The following KLHL1 variants were observed in gnomAD, a reference collection of about 807,000 sequenced individuals.
KLHL1 encodes kelch like family member 1, also known as kelch-like protein 1.
A neutral mutation model predicts 77.7 loss-of-function variants in KLHL1; 47 were observed. The ratio of observed to expected loss-of-function variants is 0.60; its 90% CI spans 0.48 to 0.77. The LOEUF is 0.77. Ranked by LOEUF, KLHL1 falls within the 30% of genes least tolerant of loss-of-function variation. The pLI is 0.00. For missense variants in KLHL1, 925 were observed against 910.8 expected (o/e 1.02, Z -0.20); for synonymous variants, 360 against 325.2 (o/e 1.11, Z -1.15).
intron 7 of KLHL1, among the ~76,000 whole-genome samples, chr13:69,748,887 C>T (rs1011077153): frequency 2.0e-5 from 3 of 151,942 alleles, no homozygotes; most frequent in Non-Finnish European, 4.4e-5. Context: ...TTAAATTCCT[C>T]TCTCAAACAT....
intron 1 of KLHL1, among the ~76,000 whole-genome samples, chr13:69,988,839 T>C (rs942358823): frequency 5.9e-5 from 9 of 152,066 alleles, no homozygotes; most frequent in South Asian, 2.1e-4. Context: ...ATGTTCCTTA[T>C]AGATTGTGGA....
chr13:69,772,180 A>T (rs1875604659), intron 7 of KLHL1, among the ~76,000 whole-genome samples: 1 of 151,954 alleles, frequency 6.6e-6, no homozygotes, highest in Admixed American at 6.5e-5. Flanking sequence ...TTATTTTTTT[A>T]AAGTTGATAG....
chr13:69,911,104 T>C (rs1013136415), intron 4 of KLHL1, among the ~76,000 whole-genome samples: 1 of 152,086 alleles, frequency 6.6e-6, no homozygotes, highest in African/African-American at 2.4e-5. Context: ...TAGTAATCAG[T>C]CTGTCTTTCT....
chr13:69,868,977 T>A (rs1477499294), intron 5 of KLHL1, among the ~76,000 whole-genome samples: 2 of 152,084 alleles, frequency 1.3e-5, no homozygotes, highest in East Asian at 3.9e-4. Flanking sequence ...ACGTAGTAAT[T>A]CACTCACTTT....
At chr13:69,979,535 C>T (rs77676920) in intron 1 of KLHL1, among the ~76,000 whole-genome samples, 12,769 of 152,136 alleles carry the variant, frequency 0.084, 610 homozygotes, top group Middle Eastern at 0.11. Flanking sequence ...AGCAAATTTA[C>T]ATTATGTATT....
At chr13:69,715,989 G>A (rs1456156637) in intron 9 of KLHL1, among the ~76,000 whole-genome samples, 1 of 152,014 alleles carries the variant, frequency 6.6e-6, no homozygotes, top group Non-Finnish European at 1.5e-5. Flanking sequence ...AAAATATATG[G>A]AAATAATACT....
At chr13:69,751,683 T>C (rs1363926517) in intron 7 of KLHL1, among the ~76,000 whole-genome samples, 1 of 152,114 alleles carries the variant, frequency 6.6e-6, no homozygotes, top group East Asian at 1.9e-4. Flanking sequence ...GCCAATATGA[T>C]TTATTTTATC....
chr13:69,756,397 T>A (rs1415479291), intron 7 of KLHL1, among the ~76,000 whole-genome samples: 1 of 152,206 alleles, frequency 6.6e-6, no homozygotes, highest in African/African-American at 2.4e-5. Flanking sequence ...TTATTGATTC[T>A]TTAAATTCTT....
chr13:69,992,545 G>T (rs1885052826), intron 1 of KLHL1, among the ~76,000 whole-genome samples: 1 of 152,026 alleles, frequency 6.6e-6, no homozygotes, highest in Admixed American at 6.6e-5. Context: ...CTACTTTGTA[G>T]ATGAGGAGAC....
At chr13:69,765,317 A>C (rs1005791034) in intron 7 of KLHL1, among the ~76,000 whole-genome samples, 3 of 152,114 alleles carry the variant, frequency 2.0e-5, no homozygotes, top group Non-Finnish European at 4.4e-5. Flanking sequence ...CTTTATGAAT[A>C]ATATGAAACA....
chr13:70,033,984 C>T (rs2137370172), intron 1 of KLHL1, among the ~76,000 whole-genome samples: 1 of 152,198 alleles, frequency 6.6e-6, no homozygotes, highest in East Asian at 1.9e-4. Flanking sequence ...TCATCAGGCA[C>T]ATTCTCTACT....
chr13:69,989,446 G>C (rs1181057028), intron 1 of KLHL1, among the ~76,000 whole-genome samples: 1 of 151,856 alleles, frequency 6.6e-6, no homozygotes, highest in African/African-American at 2.4e-5. Context: ...GAGTATTCAG[G>C]CTCCTTGGTT....
chr13:69,740,359 TC>T (rs767130536), intron 8 of KLHL1, 34 bp downstream of exon 8: 4 of 1,442,430 alleles, frequency 2.8e-6, no homozygotes, highest in Non-Finnish European at 3.7e-6. Context: ...TAACTTTTTT[TC>T]TAAGATTAAA....
chr13:69,953,952 T>G (rs1488417563), intron 3 of KLHL1, among the ~76,000 whole-genome samples: 1 of 151,272 alleles, frequency 6.6e-6, no homozygotes, highest in Non-Finnish European at 1.5e-5. Flanking sequence ...TAGCTTAATT[T>G]TATAAGTTTG....
intron 1 of KLHL1, among the ~76,000 whole-genome samples, chr13:69,984,375 C>G (rs912014731): frequency 6.6e-6 from 1 of 152,140 alleles, no homozygotes. Context: ...TACCTAGAGG[C>G]CAGGCATGTT....
chr13:70,058,827 T>C (rs539746730), intron 1 of KLHL1, among the ~76,000 whole-genome samples: 1 of 152,276 alleles, frequency 6.6e-6, no homozygotes, highest in South Asian at 2.1e-4. Flanking sequence ...AGAGCTATAG[T>C]AACCAAGACA....
chr13:70,024,526 GT>G (rs1246046797), intron 1 of KLHL1, among the ~76,000 whole-genome samples: 24 of 151,710 alleles, frequency 1.6e-4, no homozygotes, highest in African/African-American at 5.6e-4. Flanking sequence ...CTCAACGTAA[GT>G]TTTTTCTAGA....
At chr13:69,782,897 TG>T (rs1320381304) in intron 7 of KLHL1, among the ~76,000 whole-genome samples, 3 of 152,174 alleles carry the variant, frequency 2.0e-5, no homozygotes, top group Non-Finnish European at 4.4e-5. Context: ...GCAGCCTAAC[TG>T]GGAGGCACCC....
intron 1 of KLHL1, among the ~76,000 whole-genome samples, chr13:70,087,828 C>T (rs990795800): frequency 6.6e-6 from 1 of 152,128 alleles, no homozygotes; most frequent in Non-Finnish European, 1.5e-5. Flanking sequence ...TGTTATCTAT[C>T]TCTGAACCTC....
Sources: gnomAD v4.1 joint callset for allele counts (sites outside exome capture counted in the v4.1 genomes callset) on GRCh38, gnomAD v4.1.1 for gene constraint, MANE v1.5 for transcripts, NCBI Gene and HGNC (gene_info 2026-07-23, HGNC 2026-07-21) for gene names.